Variants in COPG2 observed in about 807,000 individuals in gnomAD.
The protein encoded by COPG2 is coatomer subunit gamma-2.
A neutral mutation model predicts 46.3 loss-of-function variants in COPG2; 37 were observed. That is an observed-to-expected ratio of 0.80 (90% CI 0.61 to 1.05). The LOEUF (loss-of-function observed/expected upper bound fraction) is 1.05. Among genes scored for constraint, COPG2 ranks in the 50% least tolerant of loss-of-function variants. The pLI is 0.00. For synonymous variants in COPG2, 159 were observed against 129.7 expected (o/e 1.23, Z -1.53); for missense variants, 427 against 387.8 (o/e 1.10, Z -0.85).
chr7:130,530,590 C>A (rs1384968078), intron 20 of COPG2, among the ~76,000 whole-genome samples: 3 of 152,146 alleles, frequency 2.0e-5, no homozygotes, highest in African/African-American at 7.2e-5. Flanking sequence ...TGACTGAGCC[C>A]GATGAAGCAA....
chr7:130,604,458 T>C (rs1794693565), intron 9 of COPG2, among the ~76,000 whole-genome samples: 1 of 152,220 alleles, frequency 6.6e-6, no homozygotes, highest in African/African-American at 2.4e-5. Context: ...TTATAAATTG[T>C]ACCATTTTTA....
intron 9 of COPG2, among the ~76,000 whole-genome samples, chr7:130,570,100 T>C (rs1793870820): frequency 6.6e-6 from 1 of 152,172 alleles, no homozygotes; most frequent in South Asian, 2.1e-4. Flanking sequence ...GTTGGCATTA[T>C]ACTGAACAGG....
At chr7:130,644,066 C>T (rs1795545665) in intron 5 of COPG2, among the ~76,000 whole-genome samples, 2 of 152,072 alleles carry the variant, frequency 1.3e-5, no homozygotes, top group Non-Finnish European at 1.5e-5. Context: ...AGTCTCTCTC[C>T]GATTCTATTA....
chr7:130,662,116 A>G (rs1235445478), intron 4 of COPG2, among the ~76,000 whole-genome samples: 1 of 152,162 alleles, frequency 6.6e-6, no homozygotes, highest in Non-Finnish European at 1.5e-5. Context: ...TGCTAGTAGA[A>G]GCATCAGTCC....
chr7:130,646,844 C>T (rs1388957979), intron 5 of COPG2, among the ~76,000 whole-genome samples: 4 of 151,534 alleles, frequency 2.6e-5, no homozygotes, highest in African/African-American at 9.7e-5. Context: ...TTCCTGAGGC[C>T]TCCCCCAGCC....
intron 18 of COPG2, 93 bp downstream of exon 18, chr7:130,549,221 G>A (rs1035121562): frequency 2.4e-4 from 94 of 397,694 alleles, no homozygotes; most frequent in African/African-American, 1.8e-3. Context: ...TTCCTATATT[G>A]AGAACCGATC....
At chr7:130,552,812 T>C (rs1255262439) in intron 14 of COPG2, among the ~76,000 whole-genome samples, 3 of 152,322 alleles carry the variant, frequency 2.0e-5, no homozygotes, top group Non-Finnish European at 2.9e-5. Context: ...CAAAGATTCA[T>C]TGTTCACCAA....
chr7:130,543,004 C>A (rs1793369220), intron 20 of COPG2, among the ~76,000 whole-genome samples: 1 of 152,092 alleles, frequency 6.6e-6, no homozygotes, highest in Admixed American at 6.5e-5. Flanking sequence ...CAACACTTTA[C>A]CTGTCATGGT....
At chr7:130,621,504 G>A (rs1200314773) in intron 5 of COPG2, among the ~76,000 whole-genome samples, 1 of 152,160 alleles carries the variant, frequency 6.6e-6, no homozygotes, top group Non-Finnish European at 1.5e-5. Flanking sequence ...TAGTGTGGCT[G>A]TGTTCCAACA....
At chr7:130,566,356 T>C (rs1411688726) in intron 9 of COPG2, among the ~76,000 whole-genome samples, 1 of 152,192 alleles carries the variant, frequency 6.6e-6, no homozygotes, top group Non-Finnish European at 1.5e-5. Flanking sequence ...AAGGGAATGC[T>C]TACACACTGC....
chr7:130,577,379 TC>T lies in COPG2; in HGVS notation c.738-12987del, dbSNP rs1232023055. 2.0e-5 allele frequency among the ~76,000 whole-genome samples: 3 copies of T among 152,156 alleles called. No individual in the cohort carries two copies. In the South Asian group the frequency reaches 6.2e-4, roughly 31 times the overall value. On this transcript the variant is annotated intron_variant, in intron 9 of 23. Transcript: ENST00000425248. ...TTGGGAAGCGCAAGGGTCAGGGAGT[TC>T]CCTTTCCGAGTCAAAGAAAGGGGTG... is the stretch of plus-strand genomic sequence containing the variant.
At chr7:130,537,505 G>T (rs1023670455) in intron 20 of COPG2, among the ~76,000 whole-genome samples, 1 of 150,464 alleles carries the variant, frequency 6.6e-6, no homozygotes, top group African/African-American at 2.4e-5. Flanking sequence ...GTGCTATGCA[G>T]TAGAGGAGGA....
intron 20 of COPG2, among the ~76,000 whole-genome samples, chr7:130,542,484 G>C (rs903840744): frequency 8.5e-5 from 13 of 152,106 alleles, no homozygotes; most frequent in African/African-American, 3.1e-4. Context: ...GCAGGTTGAG[G>C]ACATGGAAGC....
intron 5 of COPG2, among the ~76,000 whole-genome samples, chr7:130,642,324 T>C (rs1166300033): frequency 6.6e-6 from 1 of 152,156 alleles, no homozygotes; most frequent in East Asian, 1.9e-4. Context: ...TTGGCAATTG[T>C]GATCATCTAT....
intron 20 of COPG2, among the ~76,000 whole-genome samples, chr7:130,527,167 C>G (rs1799782688): frequency 6.6e-6 from 1 of 151,438 alleles, no homozygotes; most frequent in Non-Finnish European, 1.5e-5. Context: ...TCCATAACAC[C>G]TGACAGTCAT....
intron 20 of COPG2, among the ~76,000 whole-genome samples, chr7:130,514,617 C>T (rs965109329): frequency 3.3e-5 from 5 of 152,052 alleles, no homozygotes; most frequent in Non-Finnish European, 5.9e-5. Flanking sequence ...GATAAGGTAG[C>T]GTACATCTTT....
At chr7:130,533,436 A>G (rs1444004487) in intron 20 of COPG2, among the ~76,000 whole-genome samples, 1 of 151,922 alleles carries the variant, frequency 6.6e-6, no homozygotes, top group Non-Finnish European at 1.5e-5. Flanking sequence ...TAAGACAAGC[A>G]AAGAATGAGG....
intron 9 of COPG2, among the ~76,000 whole-genome samples, chr7:130,576,385 A>T (rs942145841): frequency 6.6e-6 from 1 of 152,216 alleles, no homozygotes; most frequent in Non-Finnish European, 1.5e-5. Flanking sequence ...GACCACAGTT[A>T]AATAAAACTG....
intron 8 of COPG2, 98 bp from the exon 9 acceptor site, chr7:130,611,208 T>C: frequency 9.0e-7 from 1 of 1,112,158 alleles, no homozygotes; most frequent in Non-Finnish European, 1.3e-6. Flanking sequence ...AAGATTTCTT[T>C]AAAATACCCA....
Sources: allele counts gnomAD v4.1 joint callset (sites outside exome capture counted in the v4.1 genomes callset), GRCh38; gene constraint gnomAD v4.1.1; transcripts MANE v1.5; gene names NCBI Gene and HGNC (gene_info 2026-07-23, HGNC 2026-07-21).